ZNF791: variants seen among roughly 807,000 people sequenced by gnomAD.
ZNF791 encodes the protein zinc finger protein 791.
ZNF791 carries 4 observed loss-of-function variants against 11.5 expected under a neutral mutation model. The ratio of observed to expected loss-of-function variants is 0.35; its 90% CI spans 0.17 to 0.80. The LOEUF (loss-of-function observed/expected upper bound fraction) is 0.80, where lower values mean the gene tolerates loss of function less well. Among genes scored for constraint, ZNF791 ranks in the 30% least tolerant of loss-of-function variants. ZNF791 has a pLI of 0.53. For synonymous variants in ZNF791, 212 were observed against 228.1 expected (o/e 0.93, Z 0.64); for missense variants, 559 against 699.4 (o/e 0.80, Z 2.26).
intron 1 of ZNF791, among the ~76,000 whole-genome samples, chr19:12,621,837 C>T (rs1725603628): frequency 1.4e-5 from 2 of 138,248 alleles, no homozygotes; most frequent in South Asian, 2.3e-4. Context: ...GCCCGGCCAC[C>T]ACCCCGTCTG....
At position 12,623,774 on chromosome 19, in the gene ZNF791, G is replaced by T. The variant is rs773393414; in HGVS notation, c.78G>T (p.Lys26Asn). The change falls in exon 2 of 4, where the codon AAG becomes AAT. Residue 26 changes from lysine (K) to asparagine (N), a missense_variant. Transcript: ENST00000343325. Reference protein sequence around the residue: ...EEWALLAPSQKKLYRDVMQET... With the variant: ...EEWALLAPSQNKLYRDVMQET... ...GGGCTCTGCTGGCTCCTTCACAGAA[G>T]AAACTCTACAGAGATGTGATGCAGG... 1.2e-6 allele frequency: 2 copies of T among 1,602,746 alleles called. No homozygotes were observed. Among genetic ancestry groups the T allele is most frequent in the East Asian group, 2.2e-5 (1 of 44,798 alleles).
intron 1 of ZNF791, among the ~76,000 whole-genome samples, chr19:12,616,973 T>G (rs1174499130): frequency 1.0e-5 from 1 of 96,704 alleles, no homozygotes; most frequent in Non-Finnish European, 2.6e-5. Flanking sequence ...TGGGCTTAAT[T>G]TTTGTGAAAG....
chr19:12,623,854 T>A, intron 2 of ZNF791, 28 bp downstream of exon 2: 3 of 434,892 alleles, frequency 6.9e-6, no homozygotes, highest in Non-Finnish European at 1.1e-5. Context: ...TTTTCTTTTT[T>A]CTTTTTTTTT....
At chr19:12,623,869 T>TGGG in intron 2 of ZNF791, 43 bp downstream of exon 2, 4 of 828,376 alleles carry the variant, frequency 4.8e-6, no homozygotes, top group South Asian at 1.8e-5. Flanking sequence ...TTTTTTTTTT[T>TGGG]TGGGGGGGGA....
At chr19:12,621,713 T>TGGGGG (rs1568288228) in intron 1 of ZNF791, among the ~76,000 whole-genome samples, 1 of 76,186 alleles carries the variant, frequency 1.3e-5, no homozygotes, top group South Asian at 3.2e-4. Flanking sequence ...AACCTCCACC[T>TGGGGG]CGGTGGGGGG....
Position 12,628,189 on chromosome 19 carries a change from A to G in ZNF791, c.660A>G (p.Gln220=), listed in dbSNP as rs553371128. Residue 220 remains glutamine (Q), a synonymous_variant, in exon 4 of 4, where the codon CAA becomes CAG. Transcript: ENST00000343325. ...HTGEKPYECK[Q]CGKAFSCSSS... ...GAGAAAAGCCCTATGAATGTAAACA[A>G]TGTGGGAAAGCCTTCAGTTGTTCCA... is the stretch of plus-strand genomic sequence containing the variant. The G allele has an allele frequency of 6.8e-6, 11 of 1,614,110 alleles. No homozygotes were observed. The highest frequency in any genetic ancestry group is 5.3e-5 in the African/African-American group (4 of 75,054).
chr19:12,624,213 C>T (rs1179188919), intron 2 of ZNF791, among the ~76,000 whole-genome samples: 4 of 137,116 alleles, frequency 2.9e-5, no homozygotes, highest in Non-Finnish European at 4.6e-5. Flanking sequence ...AGTGCAGTGG[C>T]GGGATCTTGG....
intron 1 of ZNF791, among the ~76,000 whole-genome samples, chr19:12,619,291 T>G (rs1015502919): frequency 1.3e-5 from 2 of 152,148 alleles, no homozygotes; most frequent in Non-Finnish European, 2.9e-5. Flanking sequence ...AGTCTGCAAG[T>G]GCAAACGCAC....
intron 3 of ZNF791, among the ~76,000 whole-genome samples, chr19:12,626,754 A>C (rs966028378): frequency 6.7e-6 from 1 of 150,246 alleles, no homozygotes; most frequent in Admixed American, 6.6e-5. Flanking sequence ...ACAGGCGCCC[A>C]CCACCACGCC....
chr19:12,621,601 A>T (rs2023344677), intron 1 of ZNF791, among the ~76,000 whole-genome samples: 1 of 151,342 alleles, frequency 6.6e-6, no homozygotes, highest in African/African-American at 2.4e-5. Context: ...AGGACGATAT[A>T]GGCAGCTAGA....
intron 1 of ZNF791, among the ~76,000 whole-genome samples, chr19:12,617,343 C>T (rs1294901058): frequency 2.0e-5 from 3 of 151,994 alleles, no homozygotes; most frequent in African/African-American, 7.2e-5. Flanking sequence ...CCAGGCTGGT[C>T]TCGAACTCCT....
At chr19:12,617,783 T>C (rs1267995650) in intron 1 of ZNF791, among the ~76,000 whole-genome samples, 1 of 146,858 alleles carries the variant, frequency 6.8e-6, no homozygotes, top group Non-Finnish European at 1.5e-5. Flanking sequence ...TTTTTTTTTT[T>C]TGGAGACAGG....
chr19:12,621,296 T>A (rs2023338548), intron 1 of ZNF791, among the ~76,000 whole-genome samples: 1 of 152,194 alleles, frequency 6.6e-6, no homozygotes, highest in African/African-American at 2.4e-5. Flanking sequence ...GAAGCAGTTC[T>A]GAGGCTCATG....
chr19:12,623,869 TTG>T, intron 2 of ZNF791, 43 bp downstream of exon 2: 9 of 828,340 alleles, frequency 1.1e-5, no homozygotes, highest in South Asian at 1.8e-5. Flanking sequence ...TTTTTTTTTT[TTG>T]GGGGGGGACA....
rs562510389 is a variant in ZNF791 at position 12,625,170 on chromosome 19, G to C, written c.191+460G>C. Among the ~76,000 whole-genome samples the C allele has an allele frequency of 2.0e-5, 3 of 151,596 alleles. No individual in the cohort carries two copies. The South Asian group carries it at 6.3e-4, about 32-fold the overall frequency. On this transcript the variant is annotated intron_variant, in intron 3 of 3. Coordinates refer to ENST00000343325, the MANE Select transcript of ZNF791 (RefSeq NM_153358.3). ...AGGTTTTGCTCTGTCACTCAGGCTG[G>C]AGTGCAGTGGCATGGTCTTTGCTCA... is the stretch of plus-strand genomic sequence containing the variant.
Position 12,627,971 on chromosome 19 carries a change from C to G in ZNF791, c.442C>G (p.Gln148Glu). The G allele has an allele frequency of 6.2e-7, 1 of 1,614,058 alleles. No individual in the cohort carries two copies. Among genetic ancestry groups the G allele is most frequent in the Non-Finnish European group, 8.5e-7 (1 of 1,179,984 alleles). Residue 148 changes from glutamine to glutamate, a missense_variant, in exon 4 of 4, where the codon CAA becomes GAA. Physicochemically the swap from Gln to Glu is conservative, Grantham distance 29 (BLOSUM62 2). Transcript: ENST00000343325. ...EKAFSYLKSFQRHERSHTGEK... is the reference protein window; with the variant it reads ...EKAFSYLKSFERHERSHTGEK... ...AGCCTTTAGTTATCTCAAATCCTTT[C>G]AAAGACATGAAAGGAGTCACACTGG...
intron 3 of ZNF791, among the ~76,000 whole-genome samples, chr19:12,625,180 G>A (rs1029978585): frequency 1.3e-5 from 2 of 151,676 alleles, no homozygotes; most frequent in African/African-American, 4.8e-5. Flanking sequence ...GAGTGCAGTG[G>A]CATGGTCTTT....
chr19:12,611,543 G>T (rs1287201567), intron 1 of ZNF791, among the ~76,000 whole-genome samples: 1 of 152,110 alleles, frequency 6.6e-6, no homozygotes, highest in African/African-American at 2.4e-5. Context: ...ACTTCCGCTC[G>T]CCAGTGGAAA....
rs1390266091 is a variant in ZNF791, at chr19:12,632,576, G to T, written c.*3316G>T. On this transcript the variant is annotated 3_prime_UTR_variant, in exon 4 of 4. Coordinates refer to ENST00000343325, the MANE Select transcript of ZNF791 (RefSeq NM_153358.3). Reference sequence around the variant, plus strand: ...GCAAGCAGATCACTTGAGGTCAGGAGTTCGAGACCAACCTGGCCAACATGG... The same window carrying T: ...GCAAGCAGATCACTTGAGGTCAGGATTTCGAGACCAACCTGGCCAACATGG... The T allele has an allele frequency of 1.3e-5, 2 of 152,038 alleles. No homozygotes were observed. Among genetic ancestry groups the T allele is most frequent in the African/African-American group, 4.8e-5 (2 of 41,406 alleles). The allele number at this position is 152,038 out of a possible 1,614,324, so 9.4% of individuals were successfully genotyped here.
Sources: allele counts gnomAD v4.1 joint callset (sites outside exome capture counted in the v4.1 genomes callset), GRCh38; gene constraint gnomAD v4.1.1; transcripts MANE v1.5; gene names NCBI Gene and HGNC (gene_info 2026-07-23, HGNC 2026-07-21).